RIT2: variants seen among roughly 807,000 people sequenced by gnomAD.
The protein encoded by RIT2 is GTP-binding protein Rit2.
In RIT2, 24 loss-of-function variants were observed where a neutral mutation model predicts 23.7. That is an observed-to-expected ratio of 1.01 (90% CI 0.73 to 1.43). RIT2 has a LOEUF of 1.43. Among genes scored for constraint, RIT2 ranks in the 40% most tolerant of loss-of-function variants. The probability of loss-of-function intolerance (pLI) is 0.00; values close to 1 mark genes in which losing one functional copy is unlikely to be tolerated. For synonymous variants in RIT2, 107 were observed against 91.1 expected (o/e 1.17, Z -0.99); for missense variants, 236 against 266.9 (o/e 0.88, Z 0.81).
chr18:42,990,916 T>TG (rs1555650894), intron 2 of RIT2, among the ~76,000 whole-genome samples: 175 of 147,228 alleles, frequency 1.2e-3, no homozygotes, highest in Non-Finnish European at 1.6e-3. Context: ...GGTTTTGTTT[T>TG]TTTTTTTTTT....
intron 1 of RIT2, among the ~76,000 whole-genome samples, chr18:43,072,152 A>AT (rs1432535514): frequency 1.4e-4 from 22 of 151,874 alleles, no homozygotes; most frequent in Middle Eastern, 6.8e-3. Context: ...CGGCCAGCTG[A>AT]TTTTTGTATT....
intron 3 of RIT2, among the ~76,000 whole-genome samples, chr18:42,940,331 C>CAATT (rs1366328102): frequency 4.9e-5 from 7 of 142,612 alleles, no homozygotes; most frequent in African/African-American, 1.8e-4. Context: ...ATTATATACA[C>CAATT]AATATATAGT....
chr18:42,994,237 G>T (rs574822045), intron 2 of RIT2, among the ~76,000 whole-genome samples: 1 of 152,204 alleles, frequency 6.6e-6, no homozygotes, highest in African/African-American at 2.4e-5. Context: ...GGGCTGTACT[G>T]CCACAAGGCT....
chr18:42,766,262 G>T (rs1267590707), intron 4 of RIT2, among the ~76,000 whole-genome samples: 1 of 152,168 alleles, frequency 6.6e-6, no homozygotes, highest in Admixed American at 6.5e-5. Flanking sequence ...TTGTTGAATG[G>T]CTTTGCCCAA....
intron 3 of RIT2, among the ~76,000 whole-genome samples, chr18:42,941,976 T>C (rs181942645): frequency 1.6e-4 from 25 of 152,104 alleles, no homozygotes; most frequent in Admixed American, 3.9e-4. Context: ...TTAATCTCTG[T>C]CATTTCCATT....
At chr18:42,863,790 C>T (rs947287768) in intron 4 of RIT2, among the ~76,000 whole-genome samples, 5 of 152,040 alleles carry the variant, frequency 3.3e-5, no homozygotes, top group African/African-American at 4.8e-5. Context: ...CACCTCAACC[C>T]GAATCTCAAG....
At chr18:42,793,133 G>T (rs1002687449) in intron 4 of RIT2, among the ~76,000 whole-genome samples, 1 of 152,102 alleles carries the variant, frequency 6.6e-6, no homozygotes, top group Non-Finnish European at 1.5e-5. Context: ...GGTTTGAATG[G>T]ACTCTAATAT....
At chr18:42,913,649 A>G (rs955115007) in intron 4 of RIT2, among the ~76,000 whole-genome samples, 1 of 152,084 alleles carries the variant, frequency 6.6e-6, no homozygotes, top group African/African-American at 2.4e-5. Context: ...TCACTTATAC[A>G]TGGAATCTAA....
chr18:43,051,096 G>A (rs949534150), intron 1 of RIT2, among the ~76,000 whole-genome samples: 4 of 152,014 alleles, frequency 2.6e-5, no homozygotes, highest in Admixed American at 1.3e-4. Context: ...AATATTGCAG[G>A]CTGAGACTCC....
At chr18:42,856,704 T>G (rs909698693) in intron 4 of RIT2, among the ~76,000 whole-genome samples, 6 of 152,112 alleles carry the variant, frequency 3.9e-5, no homozygotes, top group African/African-American at 1.4e-4. Flanking sequence ...ATTTTTCTTC[T>G]GAATATGAAG....
chr18:42,764,206 C>T (rs1913369778), intron 4 of RIT2, among the ~76,000 whole-genome samples: 1 of 152,184 alleles, frequency 6.6e-6, no homozygotes, highest in Non-Finnish European at 1.5e-5. Flanking sequence ...AAAGCAGCAT[C>T]GTGATCACAC....
intron 1 of RIT2, among the ~76,000 whole-genome samples, chr18:43,053,207 A>T (rs989777560): frequency 6.6e-6 from 1 of 152,034 alleles, no homozygotes; most frequent in Non-Finnish European, 1.5e-5. Context: ...TAAGTAATTT[A>T]CATACTTACT....
At position 42,982,626 on chromosome 18, in the gene RIT2, G is replaced by A. The variant is rs186054113; in HGVS notation, c.161-8479C>T. Among the ~76,000 whole-genome samples, 13 of 152,198 alleles carry A rather than the reference G, an allele frequency of 8.5e-5. No individual in the cohort carries two copies. The East Asian group carries it at 2.5e-3, about 29-fold the overall frequency. On this transcript the variant is annotated intron_variant, in intron 2 of 4. Coordinates refer to ENST00000326695, the MANE Select transcript of RIT2 (RefSeq NM_002930.4). ...CATTATTGTAATTTTCAGGATTTTA[G>A]ATGTTAGGGATTTTAGACTTTTGGG...
At chr18:43,061,602 C>T (rs1371678158) in intron 1 of RIT2, among the ~76,000 whole-genome samples, 1 of 152,114 alleles carries the variant, frequency 6.6e-6, no homozygotes, top group African/African-American at 2.4e-5. Flanking sequence ...GTTTTACCCA[C>T]TCTTTCTCGA....
At chr18:42,924,507 CTTCTT>C in intron 3 of RIT2, among the ~76,000 whole-genome samples, 1 of 152,096 alleles carries the variant, frequency 6.6e-6, no homozygotes, top group Admixed American at 6.6e-5. Context: ...AATTTGGAAA[CTTCTT>C]TTAAGTCTAA....
chr18:42,864,590 C>T (rs930757095), intron 4 of RIT2, among the ~76,000 whole-genome samples: 1 of 152,120 alleles, frequency 6.6e-6, no homozygotes, highest in African/African-American at 2.4e-5. Flanking sequence ...CAAAGAGACT[C>T]GCTCATATTG....
intron 1 of RIT2, among the ~76,000 whole-genome samples, chr18:43,048,550 C>G (rs1912303751): frequency 6.6e-6 from 1 of 152,078 alleles, no homozygotes; most frequent in Admixed American, 6.6e-5. Flanking sequence ...TAATAATACC[C>G]ACTATGGGGT....
intron 2 of RIT2, among the ~76,000 whole-genome samples, chr18:43,002,534 T>TA (rs59100983): frequency 0.97 from 146,981 of 151,924 alleles, 71,295 homozygotes; most frequent in East Asian, 1. Flanking sequence ...ACCCTCTACC[T>TA]AAGCTAAAGC....
intron 4 of RIT2, among the ~76,000 whole-genome samples, chr18:42,777,411 A>C (rs556098104): frequency 6.6e-6 from 1 of 152,310 alleles, no homozygotes; most frequent in South Asian, 2.1e-4. Context: ...TGGGACTTTC[A>C]ATATTTTCAG....
Sources: allele counts gnomAD v4.1 joint callset (sites outside exome capture counted in the v4.1 genomes callset), GRCh38; gene constraint gnomAD v4.1.1; transcripts MANE v1.5; gene names NCBI Gene and HGNC (gene_info 2026-07-23, HGNC 2026-07-21).